Variants in CLRN3 observed in about 807,000 individuals in gnomAD.
The protein encoded by CLRN3 is clarin-3.
Under a neutral mutation model 16.7 loss-of-function variants are expected in CLRN3, and 12 were observed. The observed-to-expected ratio is 0.72, with a 90% CI of 0.46 to 1.16. The LOEUF (loss-of-function observed/expected upper bound fraction) is 1.16, where lower values mean the gene tolerates loss of function less well. Among genes scored for constraint, CLRN3 ranks in the 50% most tolerant of loss-of-function variants. The probability of loss-of-function intolerance (pLI) is 0.00; values close to 1 mark genes in which losing one functional copy is unlikely to be tolerated. For synonymous variants in CLRN3, 118 were observed against 113.0 expected (o/e 1.04, Z -0.28); for missense variants, 296 against 274.2 (o/e 1.08, Z -0.56).
intron 1 of CLRN3, among the ~76,000 whole-genome samples, chr10:127,892,296 T>C (rs569394085): frequency 1.3e-5 from 2 of 152,228 alleles, no homozygotes; most frequent in Admixed American, 6.5e-5. Flanking sequence ...TATTTACTTG[T>C]CAGTCAACTT....
intron 1 of CLRN3, among the ~76,000 whole-genome samples, chr10:127,891,945 T>C (rs1234898433): frequency 6.6e-6 from 1 of 152,168 alleles, no homozygotes; most frequent in East Asian, 1.9e-4. Flanking sequence ...TTATTCTCAA[T>C]GAACTTTTAA....
Position 127,878,066 on chromosome 10 carries a change from C to T in CLRN3, c.*83G>A. On this transcript the variant is annotated 3_prime_UTR_variant, in exon 3 of 3. Transcript: ENST00000368671. ...CACAGATGACAGTCACGTTACCATG[C>T]TGAATTGTCCAGAGAAGCTAACCAG... 6.7e-7 allele frequency: 1 copy of T among 1,484,162 alleles called. No homozygotes were observed. 91.9% of individuals were successfully genotyped at this position (1,484,162 alleles called of 1,614,324 possible).
At chr10:127,888,612 A>G (rs1183188585) in intron 1 of CLRN3, among the ~76,000 whole-genome samples, 1 of 152,110 alleles carries the variant, frequency 6.6e-6, no homozygotes, top group Non-Finnish European at 1.5e-5. Context: ...AGGTTAGTGG[A>G]GGAAAGAGAC....
At chr10:127,887,242 G>A (rs546404067) in intron 1 of CLRN3, among the ~76,000 whole-genome samples, 136 of 152,292 alleles carry the variant, frequency 8.9e-4, no homozygotes, top group Non-Finnish European at 2.2e-4. Context: ...AGAGGGAATC[G>A]CTTCCCATTC....
chr10:127,892,574 G>T lies in CLRN3; in HGVS notation c.211C>A (p.Pro71Thr), dbSNP rs1442964379. 1.3e-6 allele frequency: 2 copies of T among 1,593,750 alleles called. No homozygotes were observed. Among genetic ancestry groups the T allele is most frequent in the African/African-American group, 1.3e-5 (1 of 74,606 alleles). The change falls in exon 1 of 3, where the codon CCA becomes ACA. Residue 71 changes from proline (P) to threonine (T), a missense_variant. By Grantham distance (38) the Pro-to-Thr change is conservative. Transcript: ENST00000368671. ...CATTTACCTGCAAACTTTTTCTTTG[G>T]TTCTGCAAGTCCGTGACTCAATTCT... ...SEELSHGLAE[P>T]KKKFAVLEIL... is the part of the protein sequence containing the mutation.
At chr10:127,879,450 C>T (rs565336767) in intron 2 of CLRN3, among the ~76,000 whole-genome samples, 5 of 152,126 alleles carry the variant, frequency 3.3e-5, no homozygotes, top group Admixed American at 1.3e-4. Context: ...GTTAAAAGAA[C>T]GTAGTTCTGG....
At chr10:127,888,285 C>T (rs1313156597) in intron 1 of CLRN3, among the ~76,000 whole-genome samples, 5 of 152,166 alleles carry the variant, frequency 3.3e-5, no homozygotes, top group Non-Finnish European at 5.9e-5. Flanking sequence ...GCTGGTGCCC[C>T]AGCCTCTCAG....
chr10:127,880,211 A>T (rs1845111458), intron 2 of CLRN3, among the ~76,000 whole-genome samples: 1 of 152,172 alleles, frequency 6.6e-6, no homozygotes, highest in Non-Finnish European at 1.5e-5. Flanking sequence ...TTCTTATAAA[A>T]GCTTAATCAT....
intron 1 of CLRN3, among the ~76,000 whole-genome samples, chr10:127,890,054 A>C (rs1047829362): frequency 6.6e-6 from 1 of 152,254 alleles, no homozygotes; most frequent in Non-Finnish European, 1.5e-5. Context: ...CAGTGAGTGC[A>C]GGGCACTGAT....
intron 1 of CLRN3, among the ~76,000 whole-genome samples, chr10:127,889,851 A>G (rs890478788): frequency 6.6e-6 from 1 of 152,226 alleles, no homozygotes; most frequent in Non-Finnish European, 1.5e-5. Context: ...TTCAAAACAC[A>G]GAGTTAAAGG....
At chr10:127,887,989 G>T (rs975957577) in intron 1 of CLRN3, among the ~76,000 whole-genome samples, 1 of 152,058 alleles carries the variant, frequency 6.6e-6, no homozygotes, top group Non-Finnish European at 1.5e-5. Flanking sequence ...TGGATAATGG[G>T]CGCCCATGAG....
Position 127,878,034 on chromosome 10 carries a change from A to G in CLRN3, c.*115T>C. On this transcript the variant is annotated 3_prime_UTR_variant, in exon 3 of 3. Transcript: ENST00000368671. ...AAGAACACAGTGTCATGAAACACAAATGCTGTCACAGATGACAGTCACGTT... is the reference window on the plus strand; with the variant it reads ...AAGAACACAGTGTCATGAAACACAAGTGCTGTCACAGATGACAGTCACGTT... The G allele has an allele frequency of 7.8e-7, 1 of 1,274,164 alleles. No individual in the cohort carries two copies. Among genetic ancestry groups the G allele is most frequent in the South Asian group, 1.4e-5 (1 of 69,402 alleles). 78.9% of individuals were successfully genotyped at this position (1,274,164 alleles called of 1,614,324 possible).
chr10:127,885,906 C>G (rs549871072), intron 1 of CLRN3, among the ~76,000 whole-genome samples: 1 of 152,280 alleles, frequency 6.6e-6, no homozygotes, highest in South Asian at 2.1e-4. Context: ...CAGGCATGCA[C>G]CACCATGCCA....
At chr10:127,887,775 C>G (rs1845212823) in intron 1 of CLRN3, among the ~76,000 whole-genome samples, 1 of 152,346 alleles carries the variant, frequency 6.6e-6, no homozygotes, top group African/African-American at 2.4e-5. Context: ...TCCATAGAAT[C>G]TGACAGCTGC....
In CLRN3 at chr10:127,878,209, C is replaced by T. The variant is rs1845081381; in HGVS notation, c.621G>A (p.Gln207=). Residue 207 remains glutamine, a synonymous_variant, in exon 3 of 3, where the codon CAG becomes CAA. Coordinates refer to ENST00000368671, the MANE Select transcript of CLRN3 (RefSeq NM_152311.5). ...TTGGCTTTCTCTGCTCCTGCTTCCG[C>T]TGGTATCTGGCCTTCTGGTAGAAAA... ...IIIFYQKARY[Q]RKQEQRKPME... is the part of the protein sequence containing the mutation. 1 of 1,614,044 alleles carries T rather than the reference C, an allele frequency of 6.2e-7. No individual in the cohort carries two copies. The highest frequency in any genetic ancestry group is 8.5e-7 in the Non-Finnish European group (1 of 1,179,998).
At position 127,883,685 on chromosome 10, in the gene CLRN3, G is replaced by A; in HGVS notation, c.409+11C>T. 1 of 1,598,910 alleles carries A rather than the reference G, an allele frequency of 6.3e-7. No individual in the cohort carries two copies. Among genetic ancestry groups the A allele is most frequent in the Non-Finnish European group, 8.6e-7 (1 of 1,166,296 alleles). On this transcript the variant is annotated intron_variant, in intron 2 of 2. Coordinates refer to ENST00000368671, the MANE Select transcript of CLRN3 (RefSeq NM_152311.5). Reference sequence around the variant, plus strand: ...TTTCTGCAGAGCACCGAGTCTCACAGGGCCACTCACCACCGAGCCCGTTCC... The same window carrying A: ...TTTCTGCAGAGCACCGAGTCTCACAAGGCCACTCACCACCGAGCCCGTTCC...
At chr10:127,878,999 C>G (rs1029964929) in intron 2 of CLRN3, among the ~76,000 whole-genome samples, 1 of 152,180 alleles carries the variant, frequency 6.6e-6, no homozygotes, top group Non-Finnish European at 1.5e-5. Flanking sequence ...ATGCCACTGG[C>G]AAGTGTCTAA....
Position 127,878,416 on chromosome 10 carries a change from G to A in CLRN3, c.414C>T (p.Ser138=). 6.2e-7 allele frequency: 1 copy of A among 1,613,340 alleles called. No individual in the cohort carries two copies. The highest frequency in any genetic ancestry group is 8.5e-7 in the Non-Finnish European group (1 of 1,179,342). ...GVYTWNGLGA[S]FVFVTMILFV... ...ACAGTATCATGGTCACAAAAACGAAGGATGCTGAAAGGAAGATGGAGTTTC... is the reference window on the plus strand; with the variant it reads ...ACAGTATCATGGTCACAAAAACGAAAGATGCTGAAAGGAAGATGGAGTTTC... The change falls in exon 3 of 3, where the codon TCC becomes TCT. Residue 138 remains serine, a synonymous_variant. Transcript: ENST00000368671.
rs1371812464 is a variant in CLRN3 at position 127,883,831 on chromosome 10, C to T, written c.274G>A (p.Val92Met). The T allele has an allele frequency of 6.2e-7, 1 of 1,614,216 alleles. No individual in the cohort carries two copies. Among genetic ancestry groups the T allele is most frequent in the South Asian group, 1.1e-5 (1 of 91,086 alleles). ...NNSSQKTLHS[V>M]TILFLVLSLI... ...CTCAGGACCAGGAACAGGATAGTCA[C>T]CGAATGCAGAGTTTTTTGGGAAGAA... The change falls in exon 2 of 3, where the codon GTG (valine) becomes ATG (methionine). Residue 92 changes from valine to methionine, a missense_variant. By Grantham distance (21) the Val-to-Met change is conservative. Transcript: ENST00000368671.
Sources: gnomAD v4.1 joint callset for allele counts (sites outside exome capture counted in the v4.1 genomes callset) on GRCh38, gnomAD v4.1.1 for gene constraint, MANE v1.5 for transcripts, NCBI Gene and HGNC (gene_info 2026-07-23, HGNC 2026-07-21) for gene names.